DMD: variants seen among roughly 807,000 people sequenced by gnomAD.
The protein encoded by DMD is mutant dystrophin.
DMD carries 63 observed loss-of-function variants against 330.1 expected under a neutral mutation model. The observed-to-expected ratio is 0.19, with a 90% CI of 0.16 to 0.24. The LOEUF (loss-of-function observed/expected upper bound fraction) is 0.24. Among genes scored for constraint, DMD ranks in the 10% least tolerant of loss-of-function variants. The pLI, the probability that DMD is intolerant of heterozygous loss-of-function variation, is 1.00. For missense variants in DMD, 3,344 were observed against 2,684.1 expected, an observed-to-expected ratio of 1.25 and a Z score of -5.43; for synonymous variants, 1,223 against 959.8, an observed-to-expected ratio of 1.27 and a Z score of -5.07.
chrX:31,762,430 G>A (rs1369225266), intron 51 of DMD, among the ~76,000 whole-genome samples: 6 of 110,925 alleles, frequency 5.4e-5, no homozygotes, highest in African/African-American at 9.8e-5. Flanking sequence ...TTAGCTGGGC[G>A]TGGTGGTGCG....
Position 31,347,001 on chromosome X carries a change from C to CAAAAAAAAAA in DMD, c.9163+1545_9163+1554dup, listed in dbSNP as rs1225596180. On this transcript the variant is annotated intron_variant, in intron 61 of 78. Coordinates refer to ENST00000357033, the MANE Select transcript of DMD (RefSeq NM_004006.3). ...TGGGTGACAGAATGAGGCTCCCTCT[C>CAAAAAAAAAA]AAAAAAAAAAAAAAAAAAAAAAAAA... Among the ~76,000 whole-genome samples the CAAAAAAAAAA allele has an allele frequency of 2.5e-3, 24 of 9,589 alleles. 1 individual carries two copies. Among genetic ancestry groups the CAAAAAAAAAA allele is most frequent in the Non-Finnish European group, 3.5e-3 (21 of 5,987 alleles). The allele number at this position is 9,589 out of a possible 115,157, so 8.3% of individuals were successfully genotyped here. A position where few individuals can be genotyped will look rare whatever the true frequency, so the allele number is the denominator to read the frequency against.
intron 44 of DMD, among the ~76,000 whole-genome samples, chrX:32,050,936 A>G (rs1195610502): frequency 1.9e-5 from 2 of 106,595 alleles, no homozygotes; most frequent in African/African-American, 7.0e-5. Context: ...TATCCTTGAA[A>G]TATGTATTTC....
intron 18 of DMD, among the ~76,000 whole-genome samples, chrX:32,504,510 C>T (rs1181231103): frequency 1.8e-5 from 2 of 109,711 alleles, no homozygotes; most frequent in African/African-American, 6.7e-5. Flanking sequence ...ACCTATAATC[C>T]CAGCTACTCT....
At position 32,556,201 on chromosome X, in the gene DMD, C is replaced by T. The variant is rs772613494; in HGVS notation, c.1992+9501G>A. Among the ~76,000 whole-genome samples the T allele has an allele frequency of 2.7e-5, 3 of 111,979 alleles. No individual in the cohort carries two copies. In the South Asian group the frequency reaches 1.1e-3, roughly 42 times the overall value. ...AAGAAGACATACATGTGACCTAAAACGATATGAAAGAAAACTCAACATCAT... is the reference window on the plus strand; with the variant it reads ...AAGAAGACATACATGTGACCTAAAATGATATGAAAGAAAACTCAACATCAT... On this transcript the variant is annotated intron_variant, in intron 16 of 78. Coordinates refer to ENST00000357033, the MANE Select transcript of DMD (RefSeq NM_004006.3).
At chrX:31,378,169 T>G in intron 60 of DMD, among the ~76,000 whole-genome samples, 1 of 111,658 alleles carries the variant, frequency 9.0e-6, no homozygotes, top group Non-Finnish European at 1.9e-5. Context: ...CGGACGCGCA[T>G]GAAATTTGGT....
intron 27 of DMD, among the ~76,000 whole-genome samples, chrX:32,445,920 T>C (rs113657831): frequency 1.8e-5 from 2 of 111,354 alleles, no homozygotes; most frequent in African/African-American, 6.5e-5. Context: ...GATGAGACTA[T>C]TTCTCTATTG....
At chrX:33,200,815 T>C (rs1437777234) in intron 1 of DMD, among the ~76,000 whole-genome samples, 1 of 110,728 alleles carries the variant, frequency 9.0e-6, no homozygotes, top group African/African-American at 3.3e-5. Flanking sequence ...AGAAGATGCA[T>C]TTTAAATAAA....
chrX:31,884,899 T>A (rs1185700558), intron 47 of DMD, among the ~76,000 whole-genome samples: 3 of 111,732 alleles, frequency 2.7e-5, no homozygotes, highest in Admixed American at 1.9e-4. Context: ...TACATGATTT[T>A]AATGTAATTT....
chrX:32,430,176 A>T (rs60784413), intron 29 of DMD, among the ~76,000 whole-genome samples: 20,051 of 111,023 alleles, frequency 0.18, 1,528 homozygotes, highest in African/African-American at 0.29. Context: ...AAGTCTAATG[A>T]CAGCCTAAAT....
intron 34 of DMD, among the ~76,000 whole-genome samples, 177 bp downstream of exon 34, chrX:32,380,332 AG>A (rs1297001747): frequency 8.9e-6 from 1 of 111,763 alleles, no homozygotes; most frequent in Non-Finnish European, 1.9e-5. Flanking sequence ...CTCCTGCTAA[AG>A]CTTACCATTG....
At chrX:31,543,922 C>T (rs1002777287) in intron 55 of DMD, among the ~76,000 whole-genome samples, 2 of 111,540 alleles carry the variant, frequency 1.8e-5, no homozygotes, top group African/African-American at 3.3e-5. Flanking sequence ...AATCAGGTAT[C>T]TTCCTCAATT....
chrX:31,890,251 A>G (rs1408672489), intron 47 of DMD, among the ~76,000 whole-genome samples: 3 of 108,543 alleles, frequency 2.8e-5, no homozygotes, highest in Non-Finnish European at 5.7e-5. Flanking sequence ...GTGCCTGCCT[A>G]TAATCCTAGC....
At chrX:32,024,282 C>T (rs956433301) in intron 44 of DMD, among the ~76,000 whole-genome samples, 7 of 109,595 alleles carry the variant, frequency 6.4e-5, no homozygotes, top group Admixed American at 9.7e-5. Flanking sequence ...CTGAGGAACT[C>T]GAGACCAGCC....
chrX:32,862,231 A>G (rs1252597294), intron 2 of DMD, among the ~76,000 whole-genome samples: 1 of 112,182 alleles, frequency 8.9e-6, no homozygotes, highest in African/African-American at 3.2e-5. Flanking sequence ...ACAAAATACA[A>G]GTTTTTATAA....
chrX:32,074,454 C>G (rs1371609854), intron 44 of DMD, among the ~76,000 whole-genome samples: 1 of 112,113 alleles, frequency 8.9e-6, no homozygotes, highest in African/African-American at 3.2e-5. Context: ...TGTGACAACT[C>G]GCATTTGCTG....
At chrX:31,529,518 T>C (rs1168766517) in intron 55 of DMD, among the ~76,000 whole-genome samples, 1 of 111,291 alleles carries the variant, frequency 9.0e-6, no homozygotes, top group Non-Finnish European at 1.9e-5. Flanking sequence ...GGCAAAAGGG[T>C]CTCAGTAGCA....
chrX:33,119,352 G>C (rs371622100), intron 1 of DMD, among the ~76,000 whole-genome samples: 1 of 112,542 alleles, frequency 8.9e-6, no homozygotes, highest in South Asian at 3.6e-4. Context: ...ATCAGATGAT[G>C]TTGTTTGTGA....
intron 7 of DMD, among the ~76,000 whole-genome samples, chrX:32,770,119 C>A (rs1223542793): frequency 9.0e-6 from 1 of 111,515 alleles, no homozygotes; most frequent in Non-Finnish European, 1.9e-5. Context: ...TGGTGGGAAG[C>A]AATAAAAGGC....
rs746672153 is a variant in DMD, at chrX:31,506,364, C to A, written c.8390+917G>T. ...ATACTCCCATAACTATTATTAAGTC[C>A]ATTTGGTCATCTTCTACCTCCCTTC... is the stretch of plus-strand genomic sequence containing the variant. On this transcript the variant is annotated intron_variant, in intron 56 of 78. Transcript: ENST00000357033. 1.9e-4 allele frequency among the ~76,000 whole-genome samples: 21 copies of A among 111,665 alleles called. 1 individual carries two copies. The South Asian group carries it at 4.9e-3, about 26-fold the overall frequency.
Sources: allele counts gnomAD v4.1 joint callset (sites outside exome capture counted in the v4.1 genomes callset), GRCh38; gene constraint gnomAD v4.1.1; transcripts MANE v1.5; gene names NCBI Gene and HGNC (gene_info 2026-07-23, HGNC 2026-07-21).